Variants in TGFB2 observed in about 807,000 individuals in gnomAD.
TGFB2 encodes transforming growth factor beta 2.
TGFB2 carries 13 observed loss-of-function variants against 42.7 expected under a neutral mutation model. That is an observed-to-expected ratio of 0.30 (90% CI 0.20 to 0.48). TGFB2 has a LOEUF of 0.48. Ranked by LOEUF, TGFB2 falls within the 20% of genes least tolerant of loss-of-function variation. The probability of loss-of-function intolerance (pLI) is 0.99; values close to 1 mark genes in which losing one functional copy is unlikely to be tolerated. For missense variants in TGFB2, 390 were observed against 517.5 expected (o/e 0.75, Z 2.39); for synonymous variants, 193 against 193.6 (o/e 1.00, Z 0.03).
intron 2 of TGFB2, among the ~76,000 whole-genome samples, chr1:218,415,478 TGA>T (rs1465896508): frequency 6.6e-6 from 1 of 151,812 alleles, no homozygotes; most frequent in Non-Finnish European, 1.5e-5. Context: ...GTGGAACACT[TGA>T]GGTCAGGAGT....
chr1:218,358,909 T>C (rs554206702), intron 1 of TGFB2, among the ~76,000 whole-genome samples: 1 of 152,314 alleles, frequency 6.6e-6, no homozygotes, highest in African/African-American at 2.4e-5. Context: ...ATTCTGATTC[T>C]ACTTTAGACA....
At chr1:218,380,290 A>G (rs948119291) in intron 1 of TGFB2, among the ~76,000 whole-genome samples, 1 of 152,198 alleles carries the variant, frequency 6.6e-6, no homozygotes, top group Non-Finnish European at 1.5e-5. Flanking sequence ...GTGTTTGGGG[A>G]CGGACATTCC....
In TGFB2 at chr1:218,441,332, T is replaced by C; in HGVS notation, c.1215T>C (p.Asn405=). The C allele has an allele frequency of 1.2e-6, 2 of 1,610,290 alleles. No homozygotes were observed. Among genetic ancestry groups the C allele is most frequent in the Non-Finnish European group, 1.7e-6 (2 of 1,179,212 alleles). The part of the protein sequence containing the change: ...GKTPKIEQLS[N]MIVKSCKCS ...CACCCAAGATTGAACAGCTTTCTAA[T>C]ATGATTGTAAAGTCTTGCAAATGCA... The change falls in exon 7 of 7, where the codon AAT becomes AAC. Residue 405 remains asparagine (N), a synonymous_variant. Transcript: ENST00000366930.
At chr1:218,391,588 A>G (rs1270574207) in intron 1 of TGFB2, among the ~76,000 whole-genome samples, 1 of 152,236 alleles carries the variant, frequency 6.6e-6, no homozygotes, top group Non-Finnish European at 1.5e-5. Context: ...GCACAGGCTC[A>G]CCACATCAGA....
intron 2 of TGFB2, among the ~76,000 whole-genome samples, chr1:218,414,359 C>T (rs1659204003): frequency 6.6e-6 from 1 of 152,078 alleles, no homozygotes; most frequent in Admixed American, 6.5e-5. Context: ...AAAAATGCTA[C>T]TGACAAACAA....
chr1:218,434,553 T>C (rs1412196981), intron 4 of TGFB2, 105 bp downstream of exon 4: 1 of 715,902 alleles, frequency 1.4e-6, no homozygotes, highest in African/African-American at 1.8e-5. Context: ...TGGTAAGGCC[T>C]GGGGAGTTTC....
intron 1 of TGFB2, among the ~76,000 whole-genome samples, chr1:218,369,633 C>T (rs968358086): frequency 3.9e-5 from 6 of 152,196 alleles, no homozygotes; most frequent in African/African-American, 9.7e-5. Context: ...ATGGCAGCTA[C>T]TGGAGTTCGT....
intron 2 of TGFB2, among the ~76,000 whole-genome samples, chr1:218,415,693 T>A (rs1659251526): frequency 1.8e-5 from 1 of 55,486 alleles, no homozygotes. Context: ...AGACTCTGTC[T>A]CAAAAGAAAA....
chr1:218,415,172 A>G (rs1167139644), intron 2 of TGFB2, among the ~76,000 whole-genome samples: 1 of 152,232 alleles, frequency 6.6e-6, no homozygotes, highest in Non-Finnish European at 1.5e-5. Flanking sequence ...CAGTATCTGT[A>G]TCCTCAGCGG....
intron 6 of TGFB2, among the ~76,000 whole-genome samples, chr1:218,440,263 A>G (rs891768064): frequency 1.3e-5 from 2 of 152,066 alleles, no homozygotes; most frequent in African/African-American, 2.4e-5. Context: ...GTGAATAATT[A>G]TTTCTTATAG....
chr1:218,397,093 C>G (rs980638774), intron 1 of TGFB2, among the ~76,000 whole-genome samples: 3 of 151,520 alleles, frequency 2.0e-5, no homozygotes, highest in African/African-American at 7.3e-5. Flanking sequence ...ATGGTGAAAT[C>G]CCGTCTCTAC....
At chr1:218,412,668 A>C (rs1053399458) in intron 2 of TGFB2, among the ~76,000 whole-genome samples, 3 of 152,152 alleles carry the variant, frequency 2.0e-5, no homozygotes, top group African/African-American at 7.2e-5. Context: ...AAATGAAATA[A>C]TGTCTATGAC....
chr1:218,398,854 G>A (rs1658615473), intron 1 of TGFB2, among the ~76,000 whole-genome samples: 1 of 152,126 alleles, frequency 6.6e-6, no homozygotes, highest in South Asian at 2.1e-4. Flanking sequence ...CACAGTGGTG[G>A]GATTACAGGC....
rs1056138260 is a variant in TGFB2, at chr1:218,403,852, G to A, written c.347-1317G>A. ...GAAAGAAATGGAGCCACTAGAGTTGGATGAAACACTCTGGAAAGGGGAAAG... is the reference window on the plus strand; with the variant it reads ...GAAAGAAATGGAGCCACTAGAGTTGAATGAAACACTCTGGAAAGGGGAAAG... On this transcript the variant is annotated intron_variant, in intron 1 of 6. Transcript: ENST00000366930. Among the ~76,000 whole-genome samples, 3 of 152,154 alleles carry A rather than the reference G, an allele frequency of 2.0e-5. No individual in the cohort carries two copies. In the East Asian group the frequency reaches 5.8e-4, roughly 29 times the overall value.
At chr1:218,420,423 G>C (rs1454943240) in intron 2 of TGFB2, among the ~76,000 whole-genome samples, 1 of 152,142 alleles carries the variant, frequency 6.6e-6, no homozygotes, top group Non-Finnish European at 1.5e-5. Flanking sequence ...GAATGCTACT[G>C]AGCTGCAGCA....
rs1057518684 is a variant in TGFB2, at chr1:218,405,280, G to A, written c.458G>A (p.Arg153His). Residue 153 changes from arginine to histidine, a missense_variant, in exon 2 of 7, where the codon CGT (arginine) becomes CAT (histidine). Arg to His is a conservative substitution (Grantham distance 29). Coordinates refer to ENST00000366930, the MANE Select transcript of TGFB2 (RefSeq NM_003238.6). ...NLVKAEFRVF[R>H]LQNPKARVPE... ...GTGAAAGCAGAGTTCAGAGTCTTTC[G>A]TTTGCAGAACCCAAAAGCCAGAGTG... 3.7e-6 allele frequency: 6 copies of A among 1,614,136 alleles called. No individual in the cohort carries two copies. The highest frequency in any genetic ancestry group is 4.2e-6 in the Non-Finnish European group (5 of 1,180,032).
intron 2 of TGFB2, among the ~76,000 whole-genome samples, chr1:218,407,462 T>A (rs947023043): frequency 6.6e-6 from 1 of 152,142 alleles, no homozygotes; most frequent in Non-Finnish European, 1.5e-5. Context: ...AACCTGTTTT[T>A]GAGACTTTTA....
intron 6 of TGFB2, 30 bp downstream of exon 6, chr1:218,437,526 T>C: frequency 1.3e-6 from 2 of 1,584,248 alleles, no homozygotes; most frequent in Non-Finnish European, 1.7e-6. Context: ...GTTGCCTCTG[T>C]TCTTGGGTTA....
chr1:218,407,913 G>T (rs908142623), intron 2 of TGFB2, among the ~76,000 whole-genome samples: 1 of 151,918 alleles, frequency 6.6e-6, no homozygotes, highest in African/African-American at 2.4e-5. Context: ...AGCAAAAACT[G>T]GTTCCTATGA....
Sources: allele counts gnomAD v4.1 joint callset (sites outside exome capture counted in the v4.1 genomes callset), GRCh38; gene constraint gnomAD v4.1.1; transcripts MANE v1.5; gene names NCBI Gene and HGNC (gene_info 2026-07-23, HGNC 2026-07-21).